TMX3: variants seen among roughly 807,000 people sequenced by gnomAD.
The protein encoded by TMX3 is protein disulfide-isomerase TMX3.
In TMX3, 40 loss-of-function variants were observed where a neutral mutation model predicts 64.4. The observed-to-expected ratio is 0.62, with a 90% CI of 0.48 to 0.81. The LOEUF (loss-of-function observed/expected upper bound fraction) is 0.81. TMX3 is among the 30% of genes least tolerant of loss of function. The pLI is 0.00. For missense variants in TMX3, 497 were observed against 534.5 expected (o/e 0.93, Z 0.69); for synonymous variants, 189 against 175.7 (o/e 1.08, Z -0.60).
At chr18:68,701,811 A>G in intron 4 of TMX3, 21 bp from the exon 5 acceptor site, 2 of 1,601,408 alleles carry the variant, frequency 1.2e-6, no homozygotes, top group Non-Finnish European at 1.7e-6. Flanking sequence ...AAAAGAATAA[A>G]GCATTCTAAA....
intron 6 of TMX3, 50 bp from the exon 7 acceptor site, chr18:68,698,081 A>G (rs1313548812): frequency 8.3e-7 from 1 of 1,203,932 alleles, no homozygotes; most frequent in East Asian, 2.5e-5. Flanking sequence ...ACTAAAGTAC[A>G]TAATTTACTA....
rs148147925 is a variant in TMX3, at chr18:68,703,682, A to T, written c.266-1892T>A. 3.4e-4 allele frequency among the ~76,000 whole-genome samples: 52 copies of T among 152,314 alleles called. 1 individual carries two copies. In the East Asian group the frequency reaches 5.6e-3, roughly 16 times the overall value. ...GAATGACAGTATAACATTTAAAAAAAGCCTTTGGGAGGCTGAGGCCAGTGG... is the reference window on the plus strand; with the variant it reads ...GAATGACAGTATAACATTTAAAAAATGCCTTTGGGAGGCTGAGGCCAGTGG... On this transcript the variant is annotated intron_variant, in intron 4 of 15. Transcript: ENST00000299608.
intron 4 of TMX3, among the ~76,000 whole-genome samples, chr18:68,703,460 G>C (rs904260183): frequency 2.6e-5 from 4 of 152,142 alleles, no homozygotes; most frequent in African/African-American, 9.7e-5. Flanking sequence ...ATAAGCCTCA[G>C]AGAGAAAAAT....
chr18:68,679,007 C>G (rs1459917588), intron 15 of TMX3, among the ~76,000 whole-genome samples: 1 of 151,660 alleles, frequency 6.6e-6, no homozygotes. Context: ...ACAGAATTAA[C>G]AGGGATGTTT....
chr18:68,714,853 C>G, intron 1 of TMX3, 83 bp downstream of exon 1: 1 of 1,536,148 alleles, frequency 6.5e-7, no homozygotes, highest in Non-Finnish European at 8.8e-7. Flanking sequence ...AGGCCTCGCC[C>G]CAGACCCGGG....
intron 2 of TMX3, among the ~76,000 whole-genome samples, chr18:68,711,842 T>C (rs1358589849): frequency 6.6e-6 from 1 of 152,152 alleles, no homozygotes; most frequent in Admixed American, 6.5e-5. Context: ...GGCTCAGTGT[T>C]CATAAAATGC....
Position 68,682,973 on chromosome 18 carries a change from T to C in TMX3, c.857A>G (p.Gln286Arg). Residue 286 changes from glutamine (Q) to arginine (R), a missense_variant, in exon 13 of 16, where the codon CAG becomes CGG. Physicochemically the swap from Gln to Arg is conservative, Grantham distance 43. This residue lies in a region of TMX3 where 360 missense variants were observed against 383.5 expected (regional missense o/e 0.94). Coordinates refer to ENST00000299608, the MANE Select transcript of TMX3 (RefSeq NM_019022.5). ...DYRDLFHRDF[Q>R]FGHMDGNDYI... ...GTCATTTCCATCCATGTGGCCAAAC[T>C]GAAAATCCCTAACCACCACCAACCA... The C allele has an allele frequency of 6.2e-7, 1 of 1,608,492 alleles. No individual in the cohort carries two copies. The highest frequency in any genetic ancestry group is 8.5e-7 in the Non-Finnish European group (1 of 1,177,004).
At chr18:68,704,671 A>G (rs1367604165) in intron 4 of TMX3, among the ~76,000 whole-genome samples, 1 of 152,228 alleles carries the variant, frequency 6.6e-6, no homozygotes, top group Admixed American at 6.5e-5. Flanking sequence ...TCTGAGCTCA[A>G]TTCCTTCATA....
At chr18:68,694,095 C>T (rs562462790) in intron 8 of TMX3, among the ~76,000 whole-genome samples, 125 of 152,268 alleles carry the variant, frequency 8.2e-4, no homozygotes, top group African/African-American at 2.8e-3. Flanking sequence ...CTCATTCTTC[C>T]TGGATGCGGG....
chr18:68,707,987 G>GTATATATGTGTA (rs1333341033), intron 4 of TMX3, among the ~76,000 whole-genome samples: 1 of 146,650 alleles, frequency 6.8e-6, no homozygotes, highest in Admixed American at 6.7e-5. Context: ...ATGTGTATGT[G>GTATATATGTGTA]TATATATGTG....
Position 68,697,429 on chromosome 18 carries a change from T to C in TMX3, c.493-126A>G, listed in dbSNP as rs1252500622. 3 of 463,652 alleles carry C rather than the reference T, an allele frequency of 6.5e-6. No individual in the cohort carries two copies. The East Asian group carries it at 1.0e-4, about 16-fold the overall frequency. The allele number at this position is 463,652 out of a possible 1,614,324, so 28.7% of individuals were successfully genotyped here. A position where few individuals can be genotyped will look rare whatever the true frequency, so the allele number is the denominator to read the frequency against. On this transcript the variant is annotated intron_variant, in intron 7 of 15. Coordinates refer to ENST00000299608, the MANE Select transcript of TMX3 (RefSeq NM_019022.5). ...CACCTTAATGTGCTACCTTACATCC[T>C]CTTAGGTGAAGAGAAGAAATGTAAG...
intron 8 of TMX3, among the ~76,000 whole-genome samples, chr18:68,693,415 C>G (rs917431420): frequency 6.6e-6 from 1 of 152,070 alleles, no homozygotes; most frequent in African/African-American, 2.4e-5. Context: ...TCTCCGGGGC[C>G]TGGAAAGCAG....
rs899606017 is a variant in TMX3 at position 68,698,040 on chromosome 18, C to A, written c.393-9G>T. The A allele has an allele frequency of 1.3e-6, 2 of 1,593,890 alleles. No individual in the cohort carries two copies. Among genetic ancestry groups the A allele is most frequent in the Admixed American group, 1.7e-5 (1 of 58,672 alleles). ...GTGGCCGAATTAGAGCCCTGTTGCA[C>A]AACAAAACAAAAAACAAACTTGAAT... On this transcript the variant is annotated splice_polypyrimidine_tract_variant and intron_variant, in intron 6 of 15. Transcript: ENST00000299608.
chr18:68,705,741 T>C (rs563709637), intron 4 of TMX3, among the ~76,000 whole-genome samples: 1 of 152,314 alleles, frequency 6.6e-6, no homozygotes, highest in African/African-American at 2.4e-5. Flanking sequence ...ATTTTTATAT[T>C]ATTTGGTTAT....
chr18:68,696,862 A>G (rs1915129940), intron 8 of TMX3: 1 of 169,378 alleles, frequency 5.9e-6, no homozygotes, highest in South Asian at 1.4e-4. Context: ...AGGACCCAAA[A>G]AAGACTGTAT....
intron 14 of TMX3, among the ~76,000 whole-genome samples, chr18:68,679,871 T>C (rs1913254348): frequency 6.6e-6 from 1 of 152,168 alleles, no homozygotes; most frequent in South Asian, 2.1e-4. Flanking sequence ...TGCTGCAGGA[T>C]ACCTTTGCTA....
chr18:68,680,853 A>G, intron 14 of TMX3, 128 bp downstream of exon 14: 2 of 786,936 alleles, frequency 2.5e-6, no homozygotes, highest in African/African-American at 1.8e-5. Context: ...GAAGCAATGT[A>G]TGGAGGTCCA....
At position 68,701,156 on chromosome 18, in the gene TMX3, G is replaced by A. The variant is rs371144360; in HGVS notation, c.311+589C>T. ...AAAAAGTGGGGGAAGGAAAAAGGTC[G>A]ACACAAAACCCAATATATAAATTGA... is the stretch of plus-strand genomic sequence containing the variant. On this transcript the variant is annotated intron_variant, in intron 5 of 15. Transcript: ENST00000299608. 12 of 335,368 alleles carry A rather than the reference G, an allele frequency of 3.6e-5. No homozygotes were observed. In the East Asian group the frequency reaches 1.0e-3, roughly 28 times the overall value. The allele number at this position is 335,368 out of a possible 1,614,324, so 20.8% of individuals were successfully genotyped here. A position where few individuals can be genotyped will look rare whatever the true frequency, so the allele number is the denominator to read the frequency against.
At chr18:68,710,000 A>G (rs759347266) in intron 4 of TMX3, 21 bp downstream of exon 4, 6 of 1,565,446 alleles carry the variant, frequency 3.8e-6, no homozygotes, top group Non-Finnish European at 5.2e-6. Context: ...CAGTAAAATA[A>G]TAAACTAAGT....
Sources: allele counts gnomAD v4.1 joint callset (sites outside exome capture counted in the v4.1 genomes callset), GRCh38; gene constraint gnomAD v4.1.1; regional missense constraint gnomAD v4.1.1; transcripts MANE v1.5; gene names NCBI Gene and HGNC (gene_info 2026-07-23, HGNC 2026-07-21).